TBC1D5: variants seen among roughly 807,000 people sequenced by gnomAD.
TBC1D5 encodes TBC1 domain family member 5.
A neutral mutation model predicts 100.3 loss-of-function variants in TBC1D5; 75 were observed. The ratio of observed to expected loss-of-function variants is 0.75; its 90% CI spans 0.62 to 0.91. The LOEUF (loss-of-function observed/expected upper bound fraction) is 0.91, where lower values mean the gene tolerates loss of function less well. Among genes scored for constraint, TBC1D5 ranks in the 40% least tolerant of loss-of-function variants. TBC1D5 has a pLI of 0.00. For synonymous variants in TBC1D5, 323 were observed against 325.6 expected (o/e 0.99, Z 0.09); for missense variants, 910 against 942.4 (o/e 0.97, Z 0.45).
chr3:17,401,374 CATATGT>C (rs68135264), intron 8 of TBC1D5, among the ~76,000 whole-genome samples: 69,538 of 142,782 alleles, frequency 0.49, 18,298 homozygotes, highest in African/African-American at 0.68. Context: ...GTATAATATA[CATATGT>C]ATATGTATAT....
intron 1 of TBC1D5, among the ~76,000 whole-genome samples, chr3:17,700,413 G>A (rs1244374125): frequency 6.6e-6 from 1 of 152,120 alleles, no homozygotes; most frequent in East Asian, 1.9e-4. Flanking sequence ...CAGGACATAG[G>A]CATGGGCAAG....
intron 13 of TBC1D5, among the ~76,000 whole-genome samples, chr3:17,344,218 T>C (rs2089502553): frequency 6.6e-6 from 1 of 151,980 alleles, no homozygotes; most frequent in Admixed American, 6.6e-5. Flanking sequence ...TTCAGCAAAG[T>C]CTCAGGATAC....
At chr3:17,353,298 T>G (rs1337322356) in intron 13 of TBC1D5, among the ~76,000 whole-genome samples, 2 of 152,092 alleles carry the variant, frequency 1.3e-5, no homozygotes, top group Admixed American at 1.3e-4. Context: ...TTATGATTGC[T>G]CTACAAGAGT....
At position 17,291,963 on chromosome 3, in the gene TBC1D5, T is replaced by C. The variant is rs1465058416; in HGVS notation, c.1177A>G (p.Met393Val). The C allele has an allele frequency of 1.9e-6, 3 of 1,613,886 alleles. No homozygotes were observed. The South Asian group carries it at 3.3e-5, about 18-fold the overall frequency. Residue 393 changes from methionine to valine, a missense_variant, in exon 15 of 22, where the codon ATG becomes GTG. Transcript: ENST00000253692. ...ACATCCCCGATGAATGGGTAATGCA[T>C]CAGAAGGCCGAGACAGGTCTGGTAG...
chr3:17,257,194 G>C (rs2077790358), intron 16 of TBC1D5, among the ~76,000 whole-genome samples: 1 of 151,718 alleles, frequency 6.6e-6, no homozygotes, highest in Non-Finnish European at 1.5e-5. Flanking sequence ...TGGGAGGGAG[G>C]GGAAGACAAA....
chr3:17,432,597 TGTTA>T (rs1325716185), intron 3 of TBC1D5, among the ~76,000 whole-genome samples: 2 of 152,234 alleles, frequency 1.3e-5, no homozygotes, highest in Non-Finnish European at 2.9e-5. Context: ...TCTTTATTAT[TGTTA>T]ATGTACTTAC....
At chr3:17,255,470 G>A (rs1574980539) in intron 16 of TBC1D5, among the ~76,000 whole-genome samples, 1 of 152,070 alleles carries the variant, frequency 6.6e-6, no homozygotes, top group East Asian at 1.9e-4. Flanking sequence ...AAAGTGCTGG[G>A]ATTACAGGTG....
chr3:17,168,249 G>A (rs2066837552), intron 19 of TBC1D5, among the ~76,000 whole-genome samples: 2 of 152,252 alleles, frequency 1.3e-5, no homozygotes, highest in African/African-American at 4.8e-5. Context: ...CCAGGTGACT[G>A]AAATTAATAA....
Position 17,705,904 on chromosome 3 carries a change from C to G in TBC1D5, c.-101+33439G>C, listed in dbSNP as rs2074077537. ...TGGGAGGCCAAGGCAGGCGTCTGCT[C>G]CTTGCCCTCGGGCCCGCGGGGCCCG... On this transcript the variant is annotated intron_variant, in intron 1 of 21. Coordinates refer to ENST00000253692, the Ensembl canonical transcript of TBC1D5. Among the ~76,000 whole-genome samples the G allele has an allele frequency of 2.6e-5, 4 of 151,746 alleles. No homozygotes were observed. The South Asian group carries it at 8.3e-4, about 31-fold the overall frequency.
chr3:17,292,767 A>C (rs2081897577), intron 14 of TBC1D5, among the ~76,000 whole-genome samples: 1 of 152,210 alleles, frequency 6.6e-6, no homozygotes, highest in African/African-American at 2.4e-5. Context: ...TTGCTTTATG[A>C]ACCACACTGA....
At chr3:17,603,433 A>G (rs1476976831) in intron 2 of TBC1D5, among the ~76,000 whole-genome samples, 2 of 152,168 alleles carry the variant, frequency 1.3e-5, no homozygotes, top group Admixed American at 6.5e-5. Context: ...TAGCATGGTA[A>G]AAGACACTCT....
chr3:17,397,381 C>CT (rs1436463203), intron 8 of TBC1D5, among the ~76,000 whole-genome samples: 1 of 151,888 alleles, frequency 6.6e-6, no homozygotes, highest in Admixed American at 6.6e-5. Flanking sequence ...GAGAAAGTTA[C>CT]TTTTTTTTAA....
At chr3:17,446,774 A>G (rs1350207784) in intron 3 of TBC1D5, among the ~76,000 whole-genome samples, 1 of 152,214 alleles carries the variant, frequency 6.6e-6, no homozygotes, top group Non-Finnish European at 1.5e-5. Context: ...GATTGAGACC[A>G]TCCTGGCGAA....
chr3:17,424,334 T>C lies in TBC1D5; in HGVS notation c.167+4116A>G, dbSNP rs139311842. Among the ~76,000 whole-genome samples, 1,506 of 152,288 alleles carry C rather than the reference T, an allele frequency of 9.9e-3. 28 individuals carry two copies. Among genetic ancestry groups the C allele is most frequent in the African/African-American group, 0.034 (1,410 of 41,556 alleles). Reference sequence around the variant, plus strand: ...TTGGCGAGGAGAAGGTCAGCTGCCCTTGGGAAGAGGAGGAGAGGAGTGGCC... The same window carrying C: ...TTGGCGAGGAGAAGGTCAGCTGCCCCTGGGAAGAGGAGGAGAGGAGTGGCC... On this transcript the variant is annotated intron_variant, in intron 4 of 21. Coordinates refer to ENST00000253692, the Ensembl canonical transcript of TBC1D5.
intron 2 of TBC1D5, among the ~76,000 whole-genome samples, chr3:17,594,267 T>C (rs2060422600): frequency 1.3e-5 from 2 of 152,090 alleles, no homozygotes; most frequent in Non-Finnish European, 1.5e-5. Context: ...AGAGTGTGCA[T>C]GGAATACAGG....
chr3:17,461,627 T>C (rs2095212497), intron 3 of TBC1D5, among the ~76,000 whole-genome samples: 2 of 151,924 alleles, frequency 1.3e-5, no homozygotes, highest in South Asian at 4.2e-4. Context: ...AATCTGTCTC[T>C]TTTTCTGTGT....
At chr3:17,424,780 G>A (rs2149317669) in intron 4 of TBC1D5, among the ~76,000 whole-genome samples, 1 of 151,412 alleles carries the variant, frequency 6.6e-6, no homozygotes, top group African/African-American at 2.4e-5. Context: ...AACATCCCAG[G>A]TTATTAAGAA....
intron 16 of TBC1D5, among the ~76,000 whole-genome samples, chr3:17,245,984 C>T (rs552033902): frequency 2.6e-5 from 4 of 152,146 alleles, no homozygotes; most frequent in African/African-American, 9.6e-5. Flanking sequence ...GAAATGTTCA[C>T]ACTTTGGGAA....
intron 1 of TBC1D5, among the ~76,000 whole-genome samples, chr3:17,703,458 G>T (rs1055722140): frequency 1.3e-5 from 2 of 151,984 alleles, no homozygotes; most frequent in African/African-American, 4.8e-5. Flanking sequence ...TTTATAAGTA[G>T]ATTTTTAAGT....
Sources: gnomAD v4.1 joint callset for allele counts (sites outside exome capture counted in the v4.1 genomes callset) on GRCh38, gnomAD v4.1.1 for gene constraint, MANE v1.5 for transcripts, NCBI Gene and HGNC (gene_info 2026-07-23, HGNC 2026-07-21) for gene names.